The following EEA1 variants were observed in gnomAD, a reference collection of about 807,000 sequenced individuals.
The protein encoded by EEA1 is early endosome antigen 1.
EEA1 carries 111 observed loss-of-function variants against 209.2 expected under a neutral mutation model. The ratio of observed to expected loss-of-function variants is 0.53; its 90% CI spans 0.45 to 0.62. The LOEUF (loss-of-function observed/expected upper bound fraction) is 0.62. Ranked by LOEUF, EEA1 falls within the 20% of genes least tolerant of loss-of-function variation. The probability of loss-of-function intolerance (pLI) is 0.00; values close to 1 mark genes in which losing one functional copy is unlikely to be tolerated. For missense variants in EEA1, 1,343 were observed against 1,530.8 expected, an observed-to-expected ratio of 0.88 and a Z score of 2.05; for synonymous variants, 536 against 540.6, an observed-to-expected ratio of 0.99 and a Z score of 0.12.
At chr12:92,866,984 C>T (rs2136725999) in intron 2 of EEA1, among the ~76,000 whole-genome samples, 2 of 152,310 alleles carry the variant, frequency 1.3e-5, no homozygotes, top group South Asian at 4.1e-4. Flanking sequence ...TATCTCTTGT[C>T]CACACTCTGC....
At position 92,778,119 on chromosome 12, in the gene EEA1, G is replaced by C. The variant is rs1179554419; in HGVS notation, c.3715C>G (p.Leu1239Val). The C allele has an allele frequency of 6.2e-7, 1 of 1,613,286 alleles. No homozygotes were observed. Among genetic ancestry groups the C allele is most frequent in the Non-Finnish European group, 8.5e-7 (1 of 1,179,490 alleles). Residue 1239 changes from leucine (L) to valine (V), a missense_variant, in exon 26 of 29, where the codon CTT becomes GTT. Leu to Val is a conservative substitution (Grantham distance 32). Coordinates refer to ENST00000322349, the MANE Select transcript of EEA1 (RefSeq NM_003566.4). ...TTTAATGCTGTAATCTGCATGGTAA[G>C]TTTAGCCTCATTTTCTTCATGCTTC... ...MKKHEENEAK[L>V]TMQITALNEN... is the part of the protein sequence containing the mutation.
chr12:92,821,447 TCACC>T (rs1206088278), intron 13 of EEA1, among the ~76,000 whole-genome samples: 1 of 152,186 alleles, frequency 6.6e-6, no homozygotes, highest in East Asian at 1.9e-4. Flanking sequence ...CCATTTCCTT[TCACC>T]CAAAAATTTC....
chr12:92,840,181 C>T (rs1877106163), intron 10 of EEA1, among the ~76,000 whole-genome samples: 1 of 152,076 alleles, frequency 6.6e-6, no homozygotes, highest in South Asian at 2.1e-4. Flanking sequence ...GTTATTACAA[C>T]TTAACCAACA....
chr12:92,814,636 C>T (rs930872055), intron 15 of EEA1, among the ~76,000 whole-genome samples: 1 of 152,086 alleles, frequency 6.6e-6, no homozygotes, highest in African/African-American at 2.4e-5. Flanking sequence ...TTCATATAGC[C>T]AGCCCCTCTG....
chr12:92,926,021 TC>T (rs1881200512), intron 1 of EEA1, among the ~76,000 whole-genome samples: 1 of 150,380 alleles, frequency 6.6e-6, no homozygotes, highest in African/African-American at 2.5e-5. Context: ...TAGACGGAGT[TC>T]CGGTCTTGTT....
chr12:92,866,612 C>G (rs796680983), intron 2 of EEA1, among the ~76,000 whole-genome samples: 1 of 152,052 alleles, frequency 6.6e-6, no homozygotes, highest in African/African-American at 2.4e-5. Context: ...CCTCTTCTGA[C>G]TCAGCATTCT....
At position 92,816,220 on chromosome 12, in the gene EEA1, C is replaced by A. The variant is rs1254759205; in HGVS notation, c.1909G>T (p.Val637Phe). 3.7e-6 allele frequency: 6 copies of A among 1,613,494 alleles called. No individual in the cohort carries two copies. In the African/African-American group the frequency reaches 5.3e-5, roughly 14 times the overall value. The change falls in exon 15 of 29, where the codon GTC becomes TTC. Residue 637 changes from valine to phenylalanine, a missense_variant. This residue lies in a region of EEA1 where 1,307 missense variants were observed against 1,465.5 expected (regional missense o/e 0.89). Transcript: ENST00000322349. ...NSQLNESKEK[V>F]SQLDIQIKAK... is the part of the protein sequence containing the mutation. Reference sequence around the variant, plus strand: ...ATTACCTGTATGTCAAGCTGGGAGACCTTCTCCTTGCTTTCATTTAATTGA... The same window carrying A: ...ATTACCTGTATGTCAAGCTGGGAGAACTTCTCCTTGCTTTCATTTAATTGA...
chr12:92,833,835 G>A (rs1221969168), intron 10 of EEA1, among the ~76,000 whole-genome samples: 1 of 152,090 alleles, frequency 6.6e-6, no homozygotes, highest in Non-Finnish European at 1.5e-5. Context: ...AAAACATAAT[G>A]CATGAGTCAG....
In EEA1 at chr12:92,853,901, T is replaced by A; in HGVS notation, c.406+14A>T. 6.3e-7 allele frequency: 1 copy of A among 1,595,200 alleles called. No homozygotes were observed. Among genetic ancestry groups the A allele is most frequent in the Non-Finnish European group, 8.5e-7 (1 of 1,173,614 alleles). ...AAAGAAAACTGACAAAATATCTGCTTTAAGTAAAGTTACCTGCTGATGAAT... is the reference window on the plus strand; with the variant it reads ...AAAGAAAACTGACAAAATATCTGCTATAAGTAAAGTTACCTGCTGATGAAT... On this transcript the variant is annotated intron_variant, in intron 6 of 28. Transcript: ENST00000322349.
At chr12:92,819,679 A>T (rs1428741066) in intron 13 of EEA1, among the ~76,000 whole-genome samples, 168 bp from the exon 14 acceptor site, 1 of 152,176 alleles carries the variant, frequency 6.6e-6, no homozygotes, top group Non-Finnish European at 1.5e-5. Context: ...AGAACTATAT[A>T]TTTAATAATA....
At chr12:92,786,671 A>T (rs1874147524) in intron 22 of EEA1, among the ~76,000 whole-genome samples, 1 of 152,142 alleles carries the variant, frequency 6.6e-6, no homozygotes, top group Admixed American at 6.6e-5. Context: ...AAAGGAAGTT[A>T]GTAACCTCTT....
intron 1 of EEA1, among the ~76,000 whole-genome samples, chr12:92,919,543 A>G (rs1220893260): frequency 6.7e-6 from 1 of 150,364 alleles, no homozygotes; most frequent in Admixed American, 6.7e-5. Flanking sequence ...ACAAAATTCA[A>G]CAACCCTTCA....
In EEA1 at chr12:92,851,244, T is replaced by A; in HGVS notation, c.665A>T (p.Asp222Val). The A allele has an allele frequency of 6.2e-7, 1 of 1,613,398 alleles. No individual in the cohort carries two copies. Among genetic ancestry groups the A allele is most frequent in the Non-Finnish European group, 8.5e-7 (1 of 1,179,724 alleles). The change falls in exon 9 of 29, where the codon GAT becomes GTT. Residue 222 changes from aspartate to valine, a missense_variant. Physicochemically the swap from Asp to Val is radical, Grantham distance 152. Transcript: ENST00000322349. ...CAGTTCTTTCTTTAGCACGGCAACATCTTCTATACCAGGTCTCTGAAGCTG... is the reference window on the plus strand; with the variant it reads ...CAGTTCTTTCTTTAGCACGGCAACAACTTCTATACCAGGTCTCTGAAGCTG... ...TELLQRPGIE[D>V]VAVLKKELVQ...
Position 92,909,136 on chromosome 12 carries a change from T to G in EEA1, c.25-17415A>C, listed in dbSNP as rs765589558. On this transcript the variant is annotated intron_variant, in intron 1 of 28. Coordinates refer to ENST00000322349, the MANE Select transcript of EEA1 (RefSeq NM_003566.4). ...TGTTTCTTAACAATAATTCTTATCATTCAAAAGCTTAAAAGCAAAGACAAC... is the reference window on the plus strand; with the variant it reads ...TGTTTCTTAACAATAATTCTTATCAGTCAAAAGCTTAAAAGCAAAGACAAC... Among the ~76,000 whole-genome samples, 9 of 152,250 alleles carry G rather than the reference T, an allele frequency of 5.9e-5. No homozygotes were observed. In the South Asian group the frequency reaches 1.2e-3, roughly 21 times the overall value.
At chr12:92,830,013 G>A (rs1386027414) in intron 11 of EEA1, among the ~76,000 whole-genome samples, 2 of 79,422 alleles carry the variant, frequency 2.5e-5, no homozygotes, top group African/African-American at 4.9e-5. Flanking sequence ...GGAGAGTGTG[G>A]GGGGGGCGGG....
At chr12:92,910,780 A>T (rs2136776552) in intron 1 of EEA1, among the ~76,000 whole-genome samples, 1 of 152,364 alleles carries the variant, frequency 6.6e-6, no homozygotes, top group East Asian at 1.9e-4. Context: ...CTTTAAATTC[A>T]ACAGTAAAAA....
intron 10 of EEA1, among the ~76,000 whole-genome samples, chr12:92,839,490 A>C: frequency 6.6e-6 from 1 of 152,348 alleles, no homozygotes; most frequent in South Asian, 2.1e-4. Context: ...TTTTCTTCAT[A>C]TACTTCAACC....
In EEA1 at chr12:92,819,519, G is replaced by T. The variant is rs1348302281; in HGVS notation, c.1525-8C>A. ...AACTTGTTCCAAATCATTCTGTAAAGAATTGAAAACTACTACTTTAAGAAT... is the reference window on the plus strand; with the variant it reads ...AACTTGTTCCAAATCATTCTGTAAATAATTGAAAACTACTACTTTAAGAAT... On this transcript the variant is annotated splice_polypyrimidine_tract_variant and splice_region_variant and intron_variant, in intron 13 of 28. Coordinates refer to ENST00000322349, the MANE Select transcript of EEA1 (RefSeq NM_003566.4). The T allele has an allele frequency of 6.4e-7, 1 of 1,564,322 alleles. No homozygotes were observed. Among genetic ancestry groups the T allele is most frequent in the East Asian group, 2.3e-5 (1 of 44,222 alleles).
chr12:92,799,932 A>G (rs2136665268), intron 20 of EEA1, among the ~76,000 whole-genome samples: 1 of 152,270 alleles, frequency 6.6e-6, no homozygotes, highest in East Asian at 1.9e-4. Context: ...TGATGACATT[A>G]AATTACACTG....
Sources: allele counts gnomAD v4.1 joint callset (sites outside exome capture counted in the v4.1 genomes callset), GRCh38; gene constraint gnomAD v4.1.1; regional missense constraint gnomAD v4.1.1; transcripts MANE v1.5; gene names NCBI Gene and HGNC (gene_info 2026-07-23, HGNC 2026-07-21).